The following MAGI1 variants were observed in gnomAD, a reference collection of about 807,000 sequenced individuals.
MAGI1 encodes membrane-associated guanylate kinase, WW and PDZ domain-containing protein 1.
In MAGI1, 58 loss-of-function variants were observed where a neutral mutation model predicts 139.9. The observed-to-expected ratio is 0.41, with a 90% CI of 0.34 to 0.52. The LOEUF is 0.52. Among genes scored for constraint, MAGI1 ranks in the 20% least tolerant of loss-of-function variants. The pLI, the probability that MAGI1 is intolerant of heterozygous loss-of-function variation, is 0.12. For missense variants in MAGI1, 1,874 were observed against 1,901.6 expected, an observed-to-expected ratio of 0.99 and a Z score of 0.27; for synonymous variants, 812 against 737.9, an observed-to-expected ratio of 1.10 and a Z score of -1.63.
At chr3:65,826,221 T>C (rs554524872) in intron 1 of MAGI1, among the ~76,000 whole-genome samples, 1 of 152,268 alleles carries the variant, frequency 6.6e-6, no homozygotes, top group East Asian at 1.9e-4. Context: ...TTTTCTGAAT[T>C]TTGCAAAGTT....
chr3:65,823,134 C>T (rs2042037459), intron 1 of MAGI1, among the ~76,000 whole-genome samples: 1 of 151,940 alleles, frequency 6.6e-6, no homozygotes, highest in South Asian at 2.1e-4. Context: ...TTTAAAATAC[C>T]CCTCTTAGAT....
intron 2 of MAGI1, among the ~76,000 whole-genome samples, chr3:65,516,531 T>C (rs1472991527): frequency 6.6e-6 from 1 of 151,996 alleles, no homozygotes; most frequent in Non-Finnish European, 1.5e-5. Context: ...TGCACTTAAC[T>C]AATAATAGAG....
intron 1 of MAGI1, among the ~76,000 whole-genome samples, chr3:65,878,382 G>A (rs11924140): frequency 0.15 from 22,758 of 152,040 alleles, 1,976 homozygotes; most frequent in Middle Eastern, 0.28. Flanking sequence ...CAGGCATGGT[G>A]GTGGGTGCCT....
At chr3:65,607,584 A>T (rs2082810786) in intron 2 of MAGI1, among the ~76,000 whole-genome samples, 1 of 152,222 alleles carries the variant, frequency 6.6e-6, no homozygotes, top group South Asian at 2.1e-4. Context: ...GAAACTGACA[A>T]GGGAGTGAGA....
chr3:65,718,357 A>G (rs2032538451), intron 1 of MAGI1: 1 of 152,194 alleles, frequency 6.6e-6, no homozygotes, highest in Non-Finnish European at 1.5e-5. Context: ...CTTTCACAGA[A>G]CGTGTTTCCA....
At chr3:65,494,455 G>T (rs188184314) in intron 2 of MAGI1, among the ~76,000 whole-genome samples, 2 of 152,168 alleles carry the variant, frequency 1.3e-5, no homozygotes, top group African/African-American at 4.8e-5. Context: ...GCAGAATGTG[G>T]TTTACACATA....
intron 13 of MAGI1, among the ~76,000 whole-genome samples, chr3:65,400,797 C>A (rs1944821252): frequency 1.9e-5 from 2 of 103,470 alleles, no homozygotes; most frequent in East Asian, 3.2e-4. Context: ...TTTAAGAATC[C>A]TATACCTGCA....
At chr3:66,024,281 T>A (rs2068110879) in intron 1 of MAGI1, among the ~76,000 whole-genome samples, 1 of 139,798 alleles carries the variant, frequency 7.2e-6, no homozygotes. Context: ...AAAAGAAAAC[T>A]TTGAACCAGT....
intron 1 of MAGI1, among the ~76,000 whole-genome samples, chr3:65,735,477 C>T (rs143198525): frequency 8.0e-4 from 121 of 151,826 alleles, no homozygotes; most frequent in African/African-American, 2.8e-3. Context: ...GTGAGATCAG[C>T]GAGATTCCAT....
In MAGI1 at chr3:65,375,899, C is replaced by G. The variant is rs1390474343; in HGVS notation, c.3042G>C (p.Glu1014Asp). 5 of 1,613,938 alleles carry G rather than the reference C, an allele frequency of 3.1e-6. No homozygotes were observed. The highest frequency in any genetic ancestry group is 2.7e-5 in the African/African-American group (2 of 74,898). The stretch of plus-strand genomic sequence containing the variant: ...TGCCACAGCGGTCAGCAGGGCTCCC[C>G]TCAATAATCCGACCTATTTTGTGAG... ...AMPHKIGRII[E>D]GSPADRCGKL... The change falls in exon 18 of 23, where the codon GAG becomes GAC. Residue 1014 changes from glutamate (E) to aspartate (D), a missense_variant. Glu to Asp is a conservative substitution (Grantham distance 45, BLOSUM62 2). This residue lies in a region of MAGI1 where 653 missense variants were observed against 644.5 expected (regional missense o/e 1.01). Coordinates refer to ENST00000402939, the MANE Select transcript of MAGI1 (RefSeq NM_001033057.2).
chr3:65,984,306 A>G (rs1364169444), intron 1 of MAGI1, among the ~76,000 whole-genome samples: 4 of 152,018 alleles, frequency 2.6e-5, no homozygotes, highest in Non-Finnish European at 4.4e-5. Context: ...AACTATATAA[A>G]TAGTGTGTTG....
At chr3:65,792,254 C>A (rs1284258276) in intron 1 of MAGI1, among the ~76,000 whole-genome samples, 1 of 152,082 alleles carries the variant, frequency 6.6e-6, no homozygotes, top group African/African-American at 2.4e-5. Context: ...CATTTGAGGT[C>A]AGGAGTTCAA....
At chr3:65,908,211 G>A (rs772463999) in intron 1 of MAGI1, among the ~76,000 whole-genome samples, 1 of 152,072 alleles carries the variant, frequency 6.6e-6, no homozygotes, top group Admixed American at 6.6e-5. Flanking sequence ...GGTAGTATAC[G>A]CAGAAAATGT....
chr3:65,661,045 G>A (rs2086163025), intron 1 of MAGI1, among the ~76,000 whole-genome samples: 1 of 152,028 alleles, frequency 6.6e-6, no homozygotes, highest in African/African-American at 2.4e-5. Context: ...TAACCTTCAG[G>A]ACACAGAACC....
rs564735949 is a variant in MAGI1 at position 65,416,211 on chromosome 3, C to A, written c.2167+13309G>T. On this transcript the variant is annotated intron_variant, in intron 12 of 22. Coordinates refer to ENST00000402939, the MANE Select transcript of MAGI1 (RefSeq NM_001033057.2). ...TCATGCCAAGACCCCTTTTGCATAC[C>A]GATTGCAAAAATAAAAGCCTAATTA... Among the ~76,000 whole-genome samples the A allele has an allele frequency of 7.2e-5, 11 of 152,190 alleles. 1 individual carries two copies. In the South Asian group the frequency reaches 2.3e-3, roughly 32 times the overall value.
chr3:65,415,162 C>T (rs1477831190), intron 12 of MAGI1, among the ~76,000 whole-genome samples: 1 of 152,180 alleles, frequency 6.6e-6, no homozygotes, highest in Non-Finnish European at 1.5e-5. Context: ...CGTGCTGTCA[C>T]AGACCAAAAG....
rs1454309929 is a variant in MAGI1 at position 65,396,804 on chromosome 3, G to A, written c.2199+4635C>T. Among the ~76,000 whole-genome samples the A allele has an allele frequency of 5.3e-5, 8 of 152,292 alleles. No individual in the cohort carries two copies. The South Asian group carries it at 1.2e-3, about 24-fold the overall frequency. On this transcript the variant is annotated intron_variant, in intron 13 of 22. Transcript: ENST00000402939. ...CATTAAAGGGTGTGTGAAAATCAGA[G>A]ACTCGAATCCAAGCCAGTGCAGAGG...
intron 1 of MAGI1, among the ~76,000 whole-genome samples, chr3:65,627,975 AATTT>A (rs1425448588): frequency 6.6e-6 from 1 of 152,148 alleles, no homozygotes; most frequent in Admixed American, 6.6e-5. Context: ...AATAAACCAC[AATTT>A]ATTTATCCTT....
intron 1 of MAGI1, among the ~76,000 whole-genome samples, chr3:65,752,598 AG>A (rs1233802047): frequency 6.6e-6 from 1 of 152,222 alleles, no homozygotes; most frequent in Non-Finnish European, 1.5e-5. Context: ...GGTGTCATGC[AG>A]GCATGTATTT....
Sources: gnomAD v4.1 joint callset for allele counts (sites outside exome capture counted in the v4.1 genomes callset) on GRCh38, gnomAD v4.1.1 for gene constraint, gnomAD v4.1.1 regional missense constraint, MANE v1.5 for transcripts, NCBI Gene and HGNC (gene_info 2026-07-23, HGNC 2026-07-21) for gene names.